SLC16A5: variants seen among roughly 807,000 people sequenced by gnomAD.
SLC16A5 encodes solute carrier family 16 member 5, also known as monocarboxylate transporter 6.
A neutral mutation model predicts 33.2 loss-of-function variants in SLC16A5; 29 were observed. That is an observed-to-expected ratio of 0.87 (90% CI 0.65 to 1.19). The LOEUF (loss-of-function observed/expected upper bound fraction) is 1.19, where lower values mean the gene tolerates loss of function less well. Ranked by LOEUF, SLC16A5 falls within the 50% of genes most tolerant of loss-of-function variation. SLC16A5 has a pLI of 0.00. For synonymous variants in SLC16A5, 248 were observed against 284.1 expected, an observed-to-expected ratio of 0.87 and a Z score of 1.28; for missense variants, 606 against 678.2, an observed-to-expected ratio of 0.89 and a Z score of 1.18.
chr17:75,106,223 AT>A, downstream of SLC16A5: 1 of 423,248 alleles, frequency 2.4e-6, no homozygotes, highest in South Asian at 4.8e-5. Context: ...CTCGGTGAGC[AT>A]CCTGACGACT....
intron 2 of SLC16A5, among the ~76,000 whole-genome samples, chr17:75,092,822 C>CGTGTGTGTGT (rs10541835): frequency 1.5e-5 from 2 of 136,092 alleles, no homozygotes; most frequent in Non-Finnish European, 3.2e-5. Flanking sequence ...TGTGCCACTG[C>CGTGTGTGTGT]GTGTGTGTGT....
At chr17:75,098,993 G>A (rs887563309) in intron 4 of SLC16A5, among the ~76,000 whole-genome samples, 1 of 152,180 alleles carries the variant, frequency 6.6e-6, no homozygotes, top group South Asian at 2.1e-4. Context: ...AGCTGTAGTG[G>A]CGTCACAGGC....
At chr17:75,093,858 G>A (rs769914521) in intron 3 of SLC16A5, 23 bp downstream of exon 3, 17 of 1,607,424 alleles carry the variant, frequency 1.1e-5, no homozygotes, top group Middle Eastern at 3.3e-4. Flanking sequence ...GGGAGGGGCC[G>A]ATGAGAAAGT....
At chr17:75,094,124 G>A (rs2073683732) in intron 3 of SLC16A5, among the ~76,000 whole-genome samples, 1 of 152,182 alleles carries the variant, frequency 6.6e-6, no homozygotes, top group African/African-American at 2.4e-5. Context: ...GGCGCTCAGT[G>A]CCAGGCTGGG....
chr17:75,087,700 G>A (rs558290367), upstream of SLC16A5: 1 of 152,250 alleles, frequency 6.6e-6, no homozygotes, highest in Admixed American at 6.5e-5. Context: ...CCAAGCCCGG[G>A]GCCCTAGACC....
Position 75,100,254 on chromosome 17 carries a change from C to T in SLC16A5, c.591C>T (p.Ala197=), listed in dbSNP as rs2073774828. 1 of 1,614,224 alleles carries T rather than the reference C, an allele frequency of 6.2e-7. No homozygotes were observed. Residue 197 remains alanine (A), a synonymous_variant, in exon 5 of 7, where the codon GCC becomes GCT. Coordinates refer to ENST00000329783, the MANE Select transcript of SLC16A5 (RefSeq NM_004695.4). The part of the protein sequence containing the change: ...AIIRPVATSV[A]PETKECPPPP... ...TAAGGCCTGTGGCCACCAGTGTGGC[C>T]CCTGAGACCAAAGAATGTCCCCCGC...
chr17:75,108,751 G>A (rs961259266), downstream of SLC16A5, among the ~76,000 whole-genome samples: 4 of 152,228 alleles, frequency 2.6e-5, no homozygotes, highest in Admixed American at 2.6e-4. Context: ...TCCTTAGGTA[G>A]AAGGATTAAT....
chr17:75,103,101 G>A (rs542242882), intron 5 of SLC16A5, among the ~76,000 whole-genome samples: 1 of 152,280 alleles, frequency 6.6e-6, no homozygotes, highest in South Asian at 2.1e-4. Context: ...GTATTGGCCA[G>A]GCTGTTCTCG....
At chr17:75,092,051 G>GCA (rs879941816) in intron 2 of SLC16A5, among the ~76,000 whole-genome samples, 1 of 151,494 alleles carries the variant, frequency 6.6e-6, no homozygotes, top group African/African-American at 2.4e-5. Flanking sequence ...GTGTGTGTGT[G>GCA]CACGCATGCG....
At chr17:75,094,701 A>C in intron 3 of SLC16A5, among the ~76,000 whole-genome samples, 2 of 134,098 alleles carry the variant, frequency 1.5e-5, no homozygotes, top group African/African-American at 5.3e-5. Flanking sequence ...AAAAAAAGAC[A>C]CCAGGAACAA....
intron 5 of SLC16A5, 120 bp from the exon 6 acceptor site, chr17:75,103,850 G>T: frequency 1.2e-6 from 1 of 812,128 alleles, no homozygotes. Flanking sequence ...TGTCTACTGG[G>T]TGTCAGCCAC....
intron 3 of SLC16A5, 82 bp downstream of exon 3, chr17:75,093,917 C>G (rs2073680835): frequency 1.3e-6 from 2 of 1,527,106 alleles, no homozygotes; most frequent in Admixed American, 3.9e-5. Flanking sequence ...CTGATTCCCT[C>G]TCTCTGAGGC....
rs570560134 is a variant in SLC16A5, at chr17:75,103,976, T to G, written c.1160T>G (p.Leu387Arg). Residue 387 changes from leucine to arginine, a missense_variant, in exon 6 of 7, where the codon CTC (leucine) becomes CGC (arginine). Leu to Arg is a moderately radical substitution (Grantham distance 102, BLOSUM62 -2). Coordinates refer to ENST00000329783, the MANE Select transcript of SLC16A5 (RefSeq NM_004695.4). ...FLISPPLAGL[L>R]LDATNNFSYV... ...CTTGATCTCTGTTCCCCAGGGTTGC[T>G]CCTGGACGCCACCAACAACTTTAGC... 12 of 1,614,056 alleles carry G rather than the reference T, an allele frequency of 7.4e-6. No individual in the cohort carries two copies. In the South Asian group the frequency reaches 1.2e-4, roughly 16 times the overall value.
At chr17:75,091,715 A>T (rs143536173) in intron 2 of SLC16A5, among the ~76,000 whole-genome samples, 43 of 152,282 alleles carry the variant, frequency 2.8e-4, no homozygotes, top group Non-Finnish European at 5.0e-4. Context: ...GCTTCCCAGG[A>T]CCTGGGGTGA....
Position 75,093,626 on chromosome 17 carries a change from G to T in SLC16A5, c.-11G>T, listed in dbSNP as rs1338856234. On this transcript the variant is annotated 5_prime_UTR_variant, in exon 3 of 7. Transcript: ENST00000329783. ...TTGGCAGTGAGGCCGTGGCAGCGTCGGCAGCAGAGGATGCCCCAGGCCCTG... is the reference window on the plus strand; with the variant it reads ...TTGGCAGTGAGGCCGTGGCAGCGTCTGCAGCAGAGGATGCCCCAGGCCCTG... 6.2e-7 allele frequency: 1 copy of T among 1,605,006 alleles called. No homozygotes were observed.
At chr17:75,099,201 C>G (rs894650042) in intron 4 of SLC16A5, among the ~76,000 whole-genome samples, 1 of 152,008 alleles carries the variant, frequency 6.6e-6, no homozygotes, top group South Asian at 2.1e-4. Context: ...ACAAATAACC[C>G]GAGGTAGGGG....
rs764542716 is a variant in SLC16A5 at position 75,093,766 on chromosome 17, G to T, written c.130G>T (p.Glu44Ter). The change falls in exon 3 of 7, where the codon GAG becomes TAG. Residue 44 changes from glutamate (E) to a stop codon, truncating the protein, a stop_gained. Transcript: ENST00000329783. LOFTEE classifies it high-confidence loss of function. The stretch of plus-strand genomic sequence containing the variant: ...CATCTTCTTCACTGAATTGCAATGG[G>T]AGTTCCAGGCCAGCAACAGCGAGAC... ...IGIFFTELQW[E>*]FQASNSETSW... The T allele has an allele frequency of 6.2e-7, 1 of 1,614,160 alleles. No homozygotes were observed. The highest frequency in any genetic ancestry group is 8.5e-7 in the Non-Finnish European group (1 of 1,180,002).
At chr17:75,099,665 CT>C (rs2073764280) in intron 4 of SLC16A5, among the ~76,000 whole-genome samples, 1 of 152,202 alleles carries the variant, frequency 6.6e-6, no homozygotes, top group South Asian at 2.1e-4. Context: ...TCTCGAACTC[CT>C]GACCTCAAGT....
chr17:75,090,431 C>T (rs913413767), intron 2 of SLC16A5: 4 of 150,886 alleles, frequency 2.7e-5, no homozygotes, highest in African/African-American at 9.8e-5. Flanking sequence ...GTCCTCAGAC[C>T]TTGGTGGCAG....
Sources: allele counts gnomAD v4.1 joint callset (sites outside exome capture counted in the v4.1 genomes callset), GRCh38; gene constraint gnomAD v4.1.1; transcripts MANE v1.5; gene names NCBI Gene and HGNC (gene_info 2026-07-23, HGNC 2026-07-21).